Variants in SORCS2 observed in about 807,000 individuals in gnomAD.
The protein encoded by SORCS2 is VPS10 domain-containing receptor SorCS2.
SORCS2 carries 100 observed loss-of-function variants against 141.6 expected under a neutral mutation model. The observed-to-expected ratio is 0.71, with a 90% CI of 0.60 to 0.83. The LOEUF is 0.83. SORCS2 is among the 40% of genes least tolerant of loss of function. The probability of loss-of-function intolerance (pLI) is 0.00; values close to 1 mark genes in which losing one functional copy is unlikely to be tolerated. For missense variants in SORCS2, 1,646 were observed against 1,560.2 expected, an observed-to-expected ratio of 1.05 and a Z score of -0.93; for synonymous variants, 789 against 676.9, an observed-to-expected ratio of 1.17 and a Z score of -2.57.
At chr4:7,686,936 C>T (rs1723916692) in intron 10 of SORCS2, among the ~76,000 whole-genome samples, 1 of 152,162 alleles carries the variant, frequency 6.6e-6, no homozygotes, top group Admixed American at 6.5e-5. Context: ...CCACAGGGAA[C>T]CCTGAGGAGG....
rs368192186 is a variant in SORCS2, at chr4:7,664,459, C to T, written c.1059C>T (p.Tyr353=). The change falls in exon 7 of 27, where the codon TAC becomes TAT. Residue 353 remains tyrosine (Y), a synonymous_variant. Transcript: ENST00000507866. This position sits in a 1 kb window ranked among gnomAD's most constrained non-coding sequence, Gnocchi z 4.7. The part of the protein sequence containing the change: ...DHGSLTVQDD[Y]IFFKATSANQ... ...GGTCTCTGACCGTGCAGGACGATTA[C>T]ATCTTCTTTAAGGTAAGGTTGCTTC... 8 of 1,611,930 alleles carry T rather than the reference C, an allele frequency of 5.0e-6. No homozygotes were observed. Among genetic ancestry groups the T allele is most frequent in the East Asian group, 4.5e-5 (2 of 44,850 alleles).
chr4:7,706,512 G>A (rs1725472002), intron 14 of SORCS2, among the ~76,000 whole-genome samples: 5 of 136,932 alleles, frequency 3.7e-5, no homozygotes, highest in South Asian at 2.6e-4. Flanking sequence ...GCCTGGGCAG[G>A]GATGAGGCTG....
chr4:7,396,855 T>C (rs10937814), intron 2 of SORCS2, among the ~76,000 whole-genome samples: 27,740 of 152,076 alleles, frequency 0.18, 2,831 homozygotes, highest in Non-Finnish European at 0.23. Flanking sequence ...GTGAATTCAG[T>C]CCAGGAACAT....
chr4:7,682,618 C>A, intron 9 of SORCS2, 125 bp from the exon 10 acceptor site: 1 of 925,486 alleles, frequency 1.1e-6, no homozygotes, highest in Non-Finnish European at 1.6e-6. Context: ...AGCTGCTGGA[C>A]ATTGTGACTG....
At chr4:7,446,794 G>A (rs1310005482) in intron 2 of SORCS2, among the ~76,000 whole-genome samples, 3 of 152,214 alleles carry the variant, frequency 2.0e-5, no homozygotes, top group Non-Finnish European at 4.4e-5. Flanking sequence ...GCAGTGTCGT[G>A]GGGAAACCCC....
intron 1 of SORCS2, among the ~76,000 whole-genome samples, chr4:7,392,366 G>A (rs35415176): frequency 0.26 from 39,994 of 152,160 alleles, 6,428 homozygotes; most frequent in East Asian, 0.55. Context: ...CAGGGGCTTT[G>A]GGGTTGGCTG....
At chr4:7,526,539 CAG>C (rs35400872) in intron 2 of SORCS2, among the ~76,000 whole-genome samples, 10,776 of 152,194 alleles carry the variant, frequency 0.071, 513 homozygotes, top group African/African-American at 0.14. Flanking sequence ...CGGCGGAGAA[CAG>C]GGGATTCTTG....
intron 3 of SORCS2, among the ~76,000 whole-genome samples, chr4:7,581,633 AG>A (rs1379318925): frequency 6.6e-6 from 1 of 152,148 alleles, no homozygotes; most frequent in African/African-American, 2.4e-5. Flanking sequence ...CCAGGACAGG[AG>A]CCCTCACGCA....
At chr4:7,647,279 G>A (rs1267903045) in intron 4 of SORCS2, among the ~76,000 whole-genome samples, 1 of 152,186 alleles carries the variant, frequency 6.6e-6, no homozygotes, top group South Asian at 2.1e-4. Flanking sequence ...TTTAGCAATC[G>A]TGGGTGCTTT....
At chr4:7,600,081 C>G (rs576878375) in intron 3 of SORCS2, among the ~76,000 whole-genome samples, 1 of 152,068 alleles carries the variant, frequency 6.6e-6, no homozygotes, top group Non-Finnish European at 1.5e-5. Flanking sequence ...CTTGGCCTCC[C>G]AAACTGCTGG....
At chr4:7,510,258 G>A (rs1419790676) in intron 2 of SORCS2, among the ~76,000 whole-genome samples, 1 of 152,224 alleles carries the variant, frequency 6.6e-6, no homozygotes, top group African/African-American at 2.4e-5. Flanking sequence ...TCCGCTGAGT[G>A]TCCGGGTGGG....
intron 8 of SORCS2, among the ~76,000 whole-genome samples, chr4:7,671,527 G>A (rs1183272716): frequency 6.6e-6 from 1 of 151,994 alleles, no homozygotes; most frequent in African/African-American, 2.4e-5. Context: ...AAATAAAAAG[G>A]AACCAAAAGA....
At chr4:7,364,051 T>A (rs1305215232) in intron 1 of SORCS2, among the ~76,000 whole-genome samples, 1 of 150,880 alleles carries the variant, frequency 6.6e-6, no homozygotes, top group Admixed American at 6.6e-5. Context: ...ACCGTCACCA[T>A]AACCATGCCT....
intron 1 of SORCS2, among the ~76,000 whole-genome samples, chr4:7,195,889 C>T (rs911206957): frequency 2.0e-5 from 3 of 152,190 alleles, no homozygotes; most frequent in Non-Finnish European, 4.4e-5. Context: ...ACTTGCTTGC[C>T]GCCCTCTGCA....
chr4:7,603,998 G>C (rs1002615510), intron 3 of SORCS2, among the ~76,000 whole-genome samples: 7 of 152,076 alleles, frequency 4.6e-5, no homozygotes, highest in African/African-American at 1.5e-4. Context: ...TGTTGCGTGT[G>C]ACTCTGTTGT....
At chr4:7,219,167 A>G (rs1480606290) in intron 1 of SORCS2, among the ~76,000 whole-genome samples, 1 of 94,004 alleles carries the variant, frequency 1.1e-5, no homozygotes, top group African/African-American at 5.3e-5. Flanking sequence ...CTTTTTGTCT[A>G]TGCTGTGTGT....
rs1452877540 is a variant in SORCS2 at position 7,690,066 on chromosome 4, GGATAGATGAATGGATA to G, written c.1591+494_1591+509del. Among the ~76,000 whole-genome samples the G allele has an allele frequency of 1.7e-4, 24 of 140,036 alleles. No homozygotes were observed. In the East Asian group the frequency reaches 2.5e-3, roughly 15 times the overall value. The allele number at this position is 140,036 out of a possible 152,430, so 91.9% of individuals were successfully genotyped here. A position where few individuals can be genotyped will look rare whatever the true frequency, so the allele number is the denominator to read the frequency against. ...ATGGATAGATGCTGAATTGATGGAT[GGATAGATGAATGGATA>G]GATAGATGAATGGATGGATGATACA... On this transcript the variant is annotated intron_variant, in intron 11 of 26. Coordinates refer to ENST00000507866, the MANE Select transcript of SORCS2 (RefSeq NM_020777.3).
intron 1 of SORCS2, among the ~76,000 whole-genome samples, chr4:7,392,449 AT>A (rs1723926598): frequency 6.6e-6 from 1 of 152,140 alleles, no homozygotes; most frequent in Non-Finnish European, 1.5e-5. Flanking sequence ...TCATGTCCTC[AT>A]GGACTCACCC....
At chr4:7,426,895 C>G (rs1439998745) in intron 2 of SORCS2, among the ~76,000 whole-genome samples, 1 of 152,202 alleles carries the variant, frequency 6.6e-6, no homozygotes, top group Admixed American at 6.5e-5. Context: ...CCCAGTTGTG[C>G]TGAGCGGGGC....
Sources: gnomAD v4.1 joint callset for allele counts (sites outside exome capture counted in the v4.1 genomes callset) on GRCh38, gnomAD v4.1.1 for gene constraint, Gnocchi (gnomAD v3.1) non-coding constraint, MANE v1.5 for transcripts, NCBI Gene and HGNC (gene_info 2026-07-23, HGNC 2026-07-21) for gene names.